The following MAP3K20 variants were observed in gnomAD, a reference collection of about 807,000 sequenced individuals.
MAP3K20 encodes the protein HCCS-4.
A neutral mutation model predicts 85.7 loss-of-function variants in MAP3K20; 40 were observed. The ratio of observed to expected loss-of-function variants is 0.47; its 90% CI spans 0.36 to 0.61. The LOEUF (loss-of-function observed/expected upper bound fraction) is 0.61, where lower values mean the gene tolerates loss of function less well. Among genes scored for constraint, MAP3K20 ranks in the 20% least tolerant of loss-of-function variants. The pLI, the probability that MAP3K20 is intolerant of heterozygous loss-of-function variation, is 0.00. For synonymous variants in MAP3K20, 325 were observed against 327.7 expected, an observed-to-expected ratio of 0.99 and a Z score of 0.09; for missense variants, 817 against 961.7, an observed-to-expected ratio of 0.85 and a Z score of 1.99.
chr2:173,226,951 G>A (rs1684407321), intron 11 of MAP3K20: 4 of 985,104 alleles, frequency 4.1e-6, no homozygotes, highest in Non-Finnish European at 3.6e-6. Context: ...TGTTTGTATG[G>A]AAGATTAAAT....
Position 173,258,762 on chromosome 2 carries a change from G to A in MAP3K20, c.1423G>A (p.Asp475Asn), listed in dbSNP as rs1394410256. The A allele has an allele frequency of 3.1e-6, 5 of 1,613,196 alleles. No homozygotes were observed. In the Admixed American group the frequency reaches 6.7e-5, roughly 22 times the overall value. ...GDEIAITYIK[D>N]VTFNTNLPDA... ...TGAAATTGCAATAACCTACATAAAAGATGTGACATTCAACACTAACCTACC... is the reference window on the plus strand; with the variant it reads ...TGAAATTGCAATAACCTACATAAAAAATGTGACATTCAACACTAACCTACC... The change falls in exon 17 of 20, where the codon GAT becomes AAT. Residue 475 changes from aspartate (D) to asparagine (N), a missense_variant. This residue lies in a region of MAP3K20 where 454 missense variants were observed against 476.9 expected (regional missense o/e 0.95). Transcript: ENST00000375213.
intron 1 of MAP3K20, among the ~76,000 whole-genome samples, chr2:173,089,329 C>T (rs1161160937): frequency 2.6e-5 from 4 of 151,968 alleles, no homozygotes; most frequent in South Asian, 2.1e-4. Context: ...ATGTGTGTGT[C>T]GGGGGACAGG....
At chr2:173,187,720 C>A in intron 5 of MAP3K20, 97 bp downstream of exon 5, 1 of 1,096,358 alleles carries the variant, frequency 9.1e-7, no homozygotes, top group Non-Finnish European at 1.3e-6. Context: ...CTTTTGTAAC[C>A]TACTATTGGA....
At chr2:173,118,394 A>G (rs1688184301) in intron 2 of MAP3K20, among the ~76,000 whole-genome samples, 1 of 152,152 alleles carries the variant, frequency 6.6e-6, no homozygotes, top group African/African-American at 2.4e-5. Context: ...TGTCTTTGTT[A>G]TAAGTTTGTG....
chr2:173,237,328 C>T (rs960660972), intron 14 of MAP3K20, among the ~76,000 whole-genome samples: 4 of 151,926 alleles, frequency 2.6e-5, no homozygotes, highest in African/African-American at 9.7e-5. Context: ...CACGCGGCCC[C>T]CACCCATTCT....
At chr2:173,242,695 CTTTCTTTTTTTTTT>C (rs1236501036) in intron 16 of MAP3K20, among the ~76,000 whole-genome samples, 1 of 96,666 alleles carries the variant, frequency 1.0e-5, no homozygotes, top group East Asian at 4.2e-4. Flanking sequence ...CCAGAGTAAT[CTTTCTTTTTTTTTT>C]TTTTTTTTTT....
intron 8 of MAP3K20, among the ~76,000 whole-genome samples, chr2:173,199,662 G>GTTT (rs71018542): frequency 1.5e-4 from 19 of 130,592 alleles, no homozygotes; most frequent in African/African-American, 5.2e-4. Context: ...GAGAAAGGTT[G>GTTT]TTTTTTTTTT....
intron 1 of MAP3K20, among the ~76,000 whole-genome samples, chr2:173,082,936 T>G (rs1224480803): frequency 2.0e-5 from 3 of 152,268 alleles, no homozygotes; most frequent in African/African-American, 7.2e-5. Flanking sequence ...ATCTTTTACT[T>G]CTGGTAACAA....
At chr2:173,100,880 C>T (rs138335567) in intron 2 of MAP3K20, among the ~76,000 whole-genome samples, 203 of 152,168 alleles carry the variant, frequency 1.3e-3, no homozygotes, top group African/African-American at 4.5e-3. Flanking sequence ...AGTCATCATC[C>T]GGAAGTATAT....
chr2:173,174,653 G>C (rs887120979), intron 3 of MAP3K20, among the ~76,000 whole-genome samples: 1 of 152,168 alleles, frequency 6.6e-6, no homozygotes, highest in African/African-American at 2.4e-5. Context: ...TGTGAATAGT[G>C]CCACAATAAA....
intron 11 of MAP3K20, among the ~76,000 whole-genome samples, chr2:173,227,520 T>TGCTA (rs1261754046): frequency 6.6e-6 from 1 of 152,208 alleles, no homozygotes; most frequent in Non-Finnish European, 1.5e-5. Context: ...CACTGATCTT[T>TGCTA]GCTAGCATTG....
intron 2 of MAP3K20, among the ~76,000 whole-genome samples, chr2:173,151,598 A>G (rs1173658221): frequency 6.6e-6 from 1 of 152,196 alleles, no homozygotes; most frequent in Non-Finnish European, 1.5e-5. Context: ...ATAGGTGTTT[A>G]TTTATATGTA....
intron 16 of MAP3K20, among the ~76,000 whole-genome samples, chr2:173,243,635 T>G (rs972564717): frequency 6.6e-6 from 1 of 152,162 alleles, no homozygotes; most frequent in Admixed American, 6.5e-5. Flanking sequence ...GTTTGTTTTT[T>G]GAGACGGAAT....
In MAP3K20 at chr2:173,134,424, A is replaced by AT. The variant is rs1315509260; in HGVS notation, c.160-35380dup. ...TATATATATATATATATATATATATATATATTTTTTTTTTTTTTTTTTTGC... is the reference window on the plus strand; with the variant it reads ...TATATATATATATATATATATATATATTATATTTTTTTTTTTTTTTTTTTGC... On this transcript the variant is annotated intron_variant, in intron 2 of 19. Transcript: ENST00000375213. Among the ~76,000 whole-genome samples, 35 of 5,030 alleles carry AT rather than the reference A, an allele frequency of 7.0e-3. 3 individuals carry two copies. The highest frequency in any genetic ancestry group is 0.015 in the African/African-American group (25 of 1,666). 3.3% of individuals were successfully genotyped at this position (5,030 alleles called of 152,430 possible).
intron 2 of MAP3K20, among the ~76,000 whole-genome samples, chr2:173,095,468 T>C (rs1687432461): frequency 6.6e-6 from 1 of 152,244 alleles, no homozygotes; most frequent in Non-Finnish European, 1.5e-5. Context: ...ATTTTATTCA[T>C]GAAAGCATTT....
chr2:173,218,072 TA>T (rs1382170026), intron 11 of MAP3K20, among the ~76,000 whole-genome samples: 1 of 152,224 alleles, frequency 6.6e-6, no homozygotes, highest in Non-Finnish European at 1.5e-5. Flanking sequence ...ATTACCCAAG[TA>T]ATGGTAGATT....
chr2:173,160,066 C>T (rs558531371), intron 2 of MAP3K20: 3 of 152,042 alleles, frequency 2.0e-5, no homozygotes, highest in Non-Finnish European at 2.9e-5. Context: ...GCATTTGTAA[C>T]TGTTTTTCTT....
intron 16 of MAP3K20, among the ~76,000 whole-genome samples, chr2:173,247,603 A>G (rs1378723021): frequency 6.6e-5 from 10 of 152,338 alleles, no homozygotes; most frequent in Middle Eastern, 3.4e-3. Flanking sequence ...TCTAAGATGA[A>G]TAAGTTCTAG....
At chr2:173,115,353 T>C (rs1487519773) in intron 2 of MAP3K20, among the ~76,000 whole-genome samples, 1 of 152,220 alleles carries the variant, frequency 6.6e-6, no homozygotes, top group African/African-American at 2.4e-5. Context: ...GGTATCGCCT[T>C]TCTCTGGTCC....
Sources: allele counts gnomAD v4.1 joint callset (sites outside exome capture counted in the v4.1 genomes callset), GRCh38; gene constraint gnomAD v4.1.1; regional missense constraint gnomAD v4.1.1; transcripts MANE v1.5; gene names NCBI Gene and HGNC (gene_info 2026-07-23, HGNC 2026-07-21).